Variants in KCNMA1 observed in about 807,000 individuals in gnomAD.
KCNMA1 encodes the protein potassium calcium-activated channel subfamily M alpha 1, also known as Calcium-activated potassium channel subunit alpha-1.
Under a neutral mutation model 140.0 loss-of-function variants are expected in KCNMA1, and 29 were observed. The observed-to-expected ratio is 0.21, with a 90% CI of 0.15 to 0.28. The LOEUF is 0.28. Ranked by LOEUF, KCNMA1 falls within the 10% of genes least tolerant of loss-of-function variation. The pLI is 1.00. For missense variants in KCNMA1, 880 were observed against 1,602.2 expected (o/e 0.55, Z 7.70); for synonymous variants, 612 against 611.9 (o/e 1.00, Z 0.00).
intron 1 of KCNMA1, among the ~76,000 whole-genome samples, chr10:77,528,105 T>G (rs1227910419): frequency 1.3e-5 from 2 of 152,158 alleles, no homozygotes; most frequent in African/African-American, 4.8e-5. Context: ...GCCCACCACC[T>G]GGGGTTGCTT....
intron 1 of KCNMA1, among the ~76,000 whole-genome samples, chr10:77,567,661 C>T (rs575976993): frequency 5.8e-4 from 89 of 152,328 alleles, no homozygotes; most frequent in Admixed American, 3.3e-3. Flanking sequence ...TCAAATTACA[C>T]AAGAGGATCC....
intron 3 of KCNMA1, among the ~76,000 whole-genome samples, chr10:77,214,489 C>G (rs1467161726): frequency 1.3e-5 from 2 of 152,194 alleles, no homozygotes; most frequent in East Asian, 3.9e-4. Context: ...TCTAACTGTA[C>G]TGTGTTGCTA....
At chr10:77,558,339 T>C (rs938965783) in intron 1 of KCNMA1, among the ~76,000 whole-genome samples, 1 of 152,154 alleles carries the variant, frequency 6.6e-6, no homozygotes, top group Non-Finnish European at 1.5e-5. Flanking sequence ...CAAACACCTC[T>C]GCACGCCAAG....
intron 15 of KCNMA1, among the ~76,000 whole-genome samples, chr10:77,035,283 C>T (rs538770692): frequency 3.3e-5 from 5 of 152,260 alleles, no homozygotes; most frequent in African/African-American, 1.2e-4. Context: ...ATCAAAACTC[C>T]CGACAAGACA....
chr10:77,203,401 T>C (rs748598547), intron 3 of KCNMA1, among the ~76,000 whole-genome samples: 8 of 152,152 alleles, frequency 5.3e-5, no homozygotes, highest in Non-Finnish European at 1.0e-4. Context: ...CTTTGAACAC[T>C]CAACTCAGTG....
chr10:77,299,456 C>T (rs757531972), intron 2 of KCNMA1, among the ~76,000 whole-genome samples: 4 of 152,164 alleles, frequency 2.6e-5, no homozygotes, highest in Non-Finnish European at 4.4e-5. Flanking sequence ...CCTGCAGCTG[C>T]GTAACCCTCT....
chr10:77,072,807 TTTTTG>T (rs1299686293), intron 14 of KCNMA1, among the ~76,000 whole-genome samples: 5 of 152,218 alleles, frequency 3.3e-5, no homozygotes, highest in Non-Finnish European at 7.3e-5. Context: ...ATAAATCATA[TTTTTG>T]TTTTAACAGC....
chr10:77,103,003 C>T (rs140373694), intron 9 of KCNMA1, among the ~76,000 whole-genome samples: 41 of 152,106 alleles, frequency 2.7e-4, no homozygotes, highest in African/African-American at 8.0e-4. Context: ...GCCTGCCTGC[C>T]GAGTGAGTGA....
chr10:77,150,565 CA>C (rs943095308), intron 5 of KCNMA1, among the ~76,000 whole-genome samples: 16 of 152,228 alleles, frequency 1.1e-4, no homozygotes, highest in African/African-American at 3.6e-4. Flanking sequence ...AAAATAAAAG[CA>C]AAACTGAAAA....
At chr10:77,543,818 G>T (rs1603634695) in intron 1 of KCNMA1, among the ~76,000 whole-genome samples, 1 of 152,098 alleles carries the variant, frequency 6.6e-6, no homozygotes, top group East Asian at 1.9e-4. Context: ...AAATAAGAAA[G>T]GGGGTAGGAG....
downstream of KCNMA1, among the ~76,000 whole-genome samples, chr10:76,882,990 C>A (rs1478484116): frequency 6.6e-6 from 1 of 152,196 alleles, no homozygotes. Flanking sequence ...CTATAGGAAC[C>A]TGGCAGGTTG....
chr10:77,036,350 A>G (rs1247463134), intron 15 of KCNMA1, among the ~76,000 whole-genome samples: 1 of 152,146 alleles, frequency 6.6e-6, no homozygotes, highest in Non-Finnish European at 1.5e-5. Flanking sequence ...CTTGGGAAAC[A>G]ATCTCAAATT....
chr10:76,946,133 C>A (rs1201199787), intron 22 of KCNMA1, among the ~76,000 whole-genome samples: 1 of 152,124 alleles, frequency 6.6e-6, no homozygotes, highest in Non-Finnish European at 1.5e-5. Flanking sequence ...TCCGGGAATG[C>A]AAGCATAGGG....
At chr10:76,963,248 A>T (rs2072434894) in intron 20 of KCNMA1, among the ~76,000 whole-genome samples, 1 of 152,192 alleles carries the variant, frequency 6.6e-6, no homozygotes, top group Non-Finnish European at 1.5e-5. Context: ...AGTGGTTCTC[A>T]AACTGTGGCC....
At chr10:77,165,961 T>C (rs7900755) in intron 5 of KCNMA1, among the ~76,000 whole-genome samples, 43,259 of 151,990 alleles carry the variant, frequency 0.28, 6,620 homozygotes, top group Middle Eastern at 0.38. Context: ...CAGAACAGTC[T>C]GGGGAAAATG....
chr10:77,079,369 A>AGAGT (rs139730603), intron 13 of KCNMA1, 112 bp downstream of exon 13: 39 of 662,436 alleles, frequency 5.9e-5, no homozygotes, highest in Non-Finnish European at 9.1e-5. Context: ...GGCATGTGAG[A>AGAGT]GTGTGTGTGT....
chr10:77,538,093 A>G (rs1362741779), intron 1 of KCNMA1, among the ~76,000 whole-genome samples: 4 of 151,612 alleles, frequency 2.6e-5, no homozygotes, highest in Non-Finnish European at 4.4e-5. Flanking sequence ...ATACTCTCAC[A>G]TTCACATACT....
intron 1 of KCNMA1, among the ~76,000 whole-genome samples, chr10:77,404,941 G>A (rs187639588): frequency 6.6e-6 from 1 of 152,336 alleles, no homozygotes; most frequent in East Asian, 1.9e-4. Flanking sequence ...AAAAGTAAAA[G>A]TAATAGACTA....
At chr10:76,930,383 A>C (rs2058963812) in intron 23 of KCNMA1, 1 of 152,224 alleles carries the variant, frequency 6.6e-6, no homozygotes. Context: ...AAAGGTGCTC[A>C]ATATCACTAA....
Sources: gnomAD v4.1 joint callset for allele counts (sites outside exome capture counted in the v4.1 genomes callset) on GRCh38, gnomAD v4.1.1 for gene constraint, MANE v1.5 for transcripts, NCBI Gene and HGNC (gene_info 2026-07-23, HGNC 2026-07-21) for gene names.